Variants in GPR158 observed in about 807,000 individuals in gnomAD.
GPR158 encodes the protein metabotropic glycine receptor.
A neutral mutation model predicts 78.2 loss-of-function variants in GPR158; 30 were observed. The ratio of observed to expected loss-of-function variants is 0.38; its 90% CI spans 0.29 to 0.52. The LOEUF (loss-of-function observed/expected upper bound fraction) is 0.52. Ranked by LOEUF, GPR158 falls within the 20% of genes least tolerant of loss-of-function variation. The pLI, the probability that GPR158 is intolerant of heterozygous loss-of-function variation, is 0.83. For synonymous variants in GPR158, 581 were observed against 591.1 expected, an observed-to-expected ratio of 0.98 and a Z score of 0.25; for missense variants, 1,463 against 1,523.5, an observed-to-expected ratio of 0.96 and a Z score of 0.66.
intron 4 of GPR158, among the ~76,000 whole-genome samples, chr10:25,418,127 C>T (rs1365911553): frequency 6.6e-6 from 1 of 152,122 alleles, no homozygotes; most frequent in Non-Finnish European, 1.5e-5. Flanking sequence ...GTTCTCTGTT[C>T]TCAAATGAAA....
At chr10:25,321,303 T>G (rs72796121) in intron 2 of GPR158, among the ~76,000 whole-genome samples, 6,456 of 152,292 alleles carry the variant, frequency 0.042, 145 homozygotes, top group African/African-American at 0.051. Context: ...CATCTCTAGA[T>G]ATATTGGGAT....
intron 5 of GPR158, among the ~76,000 whole-genome samples, chr10:25,531,180 T>C (rs1339350453): frequency 1.3e-5 from 2 of 152,242 alleles, no homozygotes; most frequent in African/African-American, 2.4e-5. Flanking sequence ...AAATTTTTTA[T>C]AGAGAACGGC....
chr10:25,370,124 G>A (rs544685011), intron 2 of GPR158, among the ~76,000 whole-genome samples: 137 of 102,814 alleles, frequency 1.3e-3, no homozygotes, highest in African/African-American at 4.3e-3. Context: ...ACCAGCTCCT[G>A]GATTCGTTAA....
At chr10:25,558,211 TTA>T (rs1435591382) in intron 6 of GPR158, among the ~76,000 whole-genome samples, 1 of 152,210 alleles carries the variant, frequency 6.6e-6, no homozygotes, top group Non-Finnish European at 1.5e-5. Context: ...TTTCAACTTG[TTA>T]TATGTGCGTG....
At chr10:25,261,070 T>C (rs1853961812) in intron 2 of GPR158, among the ~76,000 whole-genome samples, 2 of 152,158 alleles carry the variant, frequency 1.3e-5, no homozygotes, top group African/African-American at 4.8e-5. Context: ...TGACTAAACC[T>C]TCCTGCACAT....
chr10:25,548,731 A>G (rs1721308415), intron 5 of GPR158, among the ~76,000 whole-genome samples: 1 of 152,238 alleles, frequency 6.6e-6, no homozygotes, highest in African/African-American at 2.4e-5. Flanking sequence ...TAAGAGTTAC[A>G]GTCCACTATT....
At chr10:25,420,376 C>T in intron 4 of GPR158, among the ~76,000 whole-genome samples, 1 of 152,108 alleles carries the variant, frequency 6.6e-6, no homozygotes, top group East Asian at 1.9e-4. Flanking sequence ...TGGCCTCGAA[C>T]TCCTGTCCTC....
intron 5 of GPR158, among the ~76,000 whole-genome samples, chr10:25,507,390 T>A (rs554024401): frequency 7.2e-5 from 11 of 152,206 alleles, no homozygotes; most frequent in Non-Finnish European, 1.6e-4. Context: ...TTCAGAGATG[T>A]TTCTGTCTGT....
intron 2 of GPR158, among the ~76,000 whole-genome samples, chr10:25,395,668 C>G (rs1834354889): frequency 6.6e-6 from 1 of 151,996 alleles, no homozygotes; most frequent in Admixed American, 6.6e-5. Flanking sequence ...CATTCCATTG[C>G]CACAGGAAGT....
chr10:25,176,412 T>G lies in GPR158; in HGVS notation c.902+90T>G, dbSNP rs1281534428. 3.7e-5 allele frequency: 37 copies of G among 1,011,814 alleles called. No individual in the cohort carries two copies. Among genetic ancestry groups the G allele is most frequent in the Non-Finnish European group, 8.5e-6 (6 of 704,516 alleles). 62.7% of individuals were successfully genotyped at this position (1,011,814 alleles called of 1,614,324 possible). ...GGTGCACGTGTGAGGAAGGAACCCT[T>G]GGCTGTGACGCGAACGCTTCTCACC... On this transcript the variant is annotated intron_variant, in intron 1 of 10. Transcript: ENST00000376351. This position sits in a 1 kb window ranked among gnomAD's most constrained non-coding sequence, Gnocchi z 6.3.
chr10:25,435,719 G>A (rs913108727), intron 4 of GPR158, among the ~76,000 whole-genome samples: 3 of 152,194 alleles, frequency 2.0e-5, no homozygotes, highest in African/African-American at 7.2e-5. Flanking sequence ...CTCATTTATA[G>A]GTGGTCCTGT....
chr10:25,370,086 C>G, intron 2 of GPR158, among the ~76,000 whole-genome samples: 1 of 149,026 alleles, frequency 6.7e-6, no homozygotes, highest in Non-Finnish European at 1.5e-5. Flanking sequence ...TGCTAGCGGT[C>G]TATCAATTTT....
intron 2 of GPR158, among the ~76,000 whole-genome samples, chr10:25,252,614 G>T (rs1488619210): frequency 6.6e-6 from 1 of 152,042 alleles, no homozygotes; most frequent in South Asian, 2.1e-4. Flanking sequence ...GTGCCTCCCA[G>T]TTAGGCTGCT....
At chr10:25,579,982 A>G (rs961147975) in intron 7 of GPR158, among the ~76,000 whole-genome samples, 2 of 152,144 alleles carry the variant, frequency 1.3e-5, no homozygotes, top group Admixed American at 1.3e-4. Flanking sequence ...TCCTGTTATA[A>G]ATTAAGTTCT....
At chr10:25,574,957 C>T (rs889739914) in intron 7 of GPR158, among the ~76,000 whole-genome samples, 2 of 151,736 alleles carry the variant, frequency 1.3e-5, no homozygotes, top group African/African-American at 4.8e-5. Flanking sequence ...ATTCCAGCTA[C>T]TCTAGAGGCT....
chr10:25,563,414 C>T (rs1836884399), intron 6 of GPR158, among the ~76,000 whole-genome samples: 1 of 152,036 alleles, frequency 6.6e-6, no homozygotes, highest in African/African-American at 2.4e-5. Flanking sequence ...CCATTTCTAC[C>T]TTTTAGTTTC....
chr10:25,456,750 A>G (rs547783761), intron 4 of GPR158, among the ~76,000 whole-genome samples: 1 of 152,068 alleles, frequency 6.6e-6, no homozygotes, highest in East Asian at 1.9e-4. Context: ...TTCTCTAAAT[A>G]TAAAGTACAT....
chr10:25,598,788 A>G lies in GPR158; in HGVS notation c.3162A>G (p.Ala1054=), dbSNP rs1333845794. 2 of 1,614,040 alleles carry G rather than the reference A, an allele frequency of 1.2e-6. No homozygotes were observed. Among genetic ancestry groups the G allele is most frequent in the African/African-American group, 2.7e-5 (2 of 74,914 alleles). The change falls in exon 11 of 11, where the codon GCA becomes GCG. Residue 1054 remains alanine (A), a synonymous_variant. Transcript: ENST00000376351. ...AGAAATCTCACCACAAGCCTAAGGC[A>G]GCTGAGGTTTGTCAGCAATCCAATC... ...LKEKSHHKPK[A]AEVCQQSNQK...
intron 2 of GPR158, among the ~76,000 whole-genome samples, chr10:25,392,438 G>A (rs964997169): frequency 1.2e-4 from 18 of 152,380 alleles, no homozygotes; most frequent in Non-Finnish European, 1.3e-4. Flanking sequence ...GCAGGCCAGA[G>A]CAAAAGTCAG....
Sources: gnomAD v4.1 joint callset for allele counts (sites outside exome capture counted in the v4.1 genomes callset) on GRCh38, gnomAD v4.1.1 for gene constraint, Gnocchi (gnomAD v3.1) non-coding constraint, MANE v1.5 for transcripts, NCBI Gene and HGNC (gene_info 2026-07-23, HGNC 2026-07-21) for gene names.